MCCC2: variants seen among roughly 807,000 people sequenced by gnomAD.
MCCC2 encodes the protein methylcrotonoyl-CoA carboxylase beta chain, mitochondrial.
MCCC2 carries 52 observed loss-of-function variants against 77.2 expected under a neutral mutation model. The ratio of observed to expected loss-of-function variants is 0.67; its 90% CI spans 0.54 to 0.85. MCCC2 has a LOEUF of 0.85. Ranked by LOEUF, MCCC2 falls within the 40% of genes least tolerant of loss-of-function variation. MCCC2 has a pLI of 0.00. For missense variants in MCCC2, 682 were observed against 703.2 expected, an observed-to-expected ratio of 0.97 and a Z score of 0.34; for synonymous variants, 253 against 248.4, an observed-to-expected ratio of 1.02 and a Z score of -0.18.
chr5:71,632,115 T>C lies in MCCC2; in HGVS notation c.739-6T>C. The stretch of plus-strand genomic sequence containing the variant: ...ATTTCACTGATGATTTTTATCCTTG[T>C]TGTAGGTTAAAGCGGCAACTGGGGA... On this transcript the variant is annotated splice_region_variant and splice_polypyrimidine_tract_variant and intron_variant, in intron 7 of 16. Coordinates refer to ENST00000340941, the MANE Select transcript of MCCC2 (RefSeq NM_022132.5). 6.2e-7 allele frequency: 1 copy of C among 1,613,906 alleles called. No individual in the cohort carries two copies. Among genetic ancestry groups the C allele is most frequent in the Non-Finnish European group, 8.5e-7 (1 of 1,179,762 alleles).
chr5:71,602,413 G>A, intron 4 of MCCC2, 93 bp from the exon 5 acceptor site: 1 of 1,516,264 alleles, frequency 6.6e-7, no homozygotes, highest in Non-Finnish European at 9.2e-7. Flanking sequence ...CGTACTAGAA[G>A]TTGAAGGTTG....
At chr5:71,616,635 CT>C (rs2112380776) in intron 6 of MCCC2, among the ~76,000 whole-genome samples, 1 of 152,278 alleles carries the variant, frequency 6.6e-6, no homozygotes, top group Admixed American at 6.5e-5. Flanking sequence ...GTTCCCTCAC[CT>C]GAGTTCCCAT....
chr5:71,611,981 G>C (rs1461192191), intron 6 of MCCC2, among the ~76,000 whole-genome samples: 1 of 151,842 alleles, frequency 6.6e-6, no homozygotes, highest in African/African-American at 2.4e-5. Flanking sequence ...GTAGAGACAG[G>C]GTTTCACCAC....
chr5:71,593,091 T>TA (rs1745046119), intron 2 of MCCC2, 99 bp downstream of exon 2: 11 of 458,602 alleles, frequency 2.4e-5, no homozygotes, highest in African/African-American at 1.9e-4. Context: ...CTTTTGATAT[T>TA]TTTTTTTTTT....
In MCCC2 at chr5:71,656,882, G is replaced by A. The variant is rs368063815; in HGVS notation, c.*22G>A. 1.3e-6 allele frequency: 2 copies of A among 1,569,726 alleles called. No individual in the cohort carries two copies. Among genetic ancestry groups the A allele is most frequent in the African/African-American group, 2.7e-5 (2 of 74,036 alleles). ...GTAACTGGAATAAAGGATGTTTTCT[G>A]TTGGACATGTACTGAAAATTAACAC... On this transcript the variant is annotated 3_prime_UTR_variant, in exon 17 of 17. Transcript: ENST00000340941.
At chr5:71,642,138 T>A (rs1370766622) in intron 11 of MCCC2, among the ~76,000 whole-genome samples, 2 of 151,790 alleles carry the variant, frequency 1.3e-5, no homozygotes, top group African/African-American at 4.8e-5. Context: ...TCCCCTAGAG[T>A]ACACAACCTG....
At chr5:71,634,909 C>G (rs762836749) in intron 8 of MCCC2, 34 bp from the exon 9 acceptor site, 3 of 1,582,856 alleles carry the variant, frequency 1.9e-6, no homozygotes, top group Non-Finnish European at 8.7e-7. Flanking sequence ...TTCCTTTTCC[C>G]TGTTCTGACA....
At chr5:71,611,217 A>G (rs1231881027) in intron 6 of MCCC2, among the ~76,000 whole-genome samples, 1 of 152,154 alleles carries the variant, frequency 6.6e-6, no homozygotes, top group Non-Finnish European at 1.5e-5. Flanking sequence ...CCTGGGCAAC[A>G]TAGGGAGACC....
chr5:71,610,342 C>T (rs1161670168), intron 6 of MCCC2, among the ~76,000 whole-genome samples: 15 of 152,310 alleles, frequency 9.8e-5, no homozygotes, highest in South Asian at 6.2e-4. Context: ...CAGGTGCGTC[C>T]GTCACCCCTT....
chr5:71,610,456 C>T (rs889528202), intron 6 of MCCC2, among the ~76,000 whole-genome samples: 11 of 152,178 alleles, frequency 7.2e-5, no homozygotes, highest in East Asian at 1.9e-4. Flanking sequence ...CACTGACCTG[C>T]GCCCACTGTC....
At position 71,656,679 on chromosome 5, in the gene MCCC2, A is replaced by G. The variant is rs7443786; in HGVS notation, c.1575-64A>G. 999,567 of 1,251,834 alleles carry G rather than the reference A, an allele frequency of 0.8. 405,781 individuals are homozygous for G. The highest frequency in any genetic ancestry group is 0.9 in the East Asian group (38,558 of 43,004). 77.5% of individuals were successfully genotyped at this position (1,251,834 alleles called of 1,614,324 possible). A position where few individuals can be genotyped will look rare whatever the true frequency, so the allele number is the denominator to read the frequency against. On this transcript the variant is annotated intron_variant, in intron 16 of 16. Transcript: ENST00000340941. ...GAAAACTTCCTTGGCATTTCTGCAC[A>G]TGGAGAGTGTATAAATGGTAGTTTG...
At chr5:71,644,710 ATAACAGGG>A (rs1399952020) in intron 12 of MCCC2, among the ~76,000 whole-genome samples, 2 of 152,114 alleles carry the variant, frequency 1.3e-5, no homozygotes, top group African/African-American at 4.8e-5. Flanking sequence ...TTCTCTTGAA[ATAACAGGG>A]TAAAAGTTCT....
At chr5:71,642,710 C>G (rs1747160664) in intron 11 of MCCC2, among the ~76,000 whole-genome samples, 1 of 152,190 alleles carries the variant, frequency 6.6e-6, no homozygotes, top group African/African-American at 2.4e-5. Context: ...GAAGTTTACC[C>G]CTTTCTGAAT....
intron 6 of MCCC2, among the ~76,000 whole-genome samples, chr5:71,617,850 C>G (rs747525618): frequency 2.0e-5 from 3 of 152,144 alleles, no homozygotes; most frequent in Non-Finnish European, 4.4e-5. Context: ...GTATCGTTTT[C>G]TGTATCTTTG....
intron 11 of MCCC2, among the ~76,000 whole-genome samples, chr5:71,641,922 TAC>T (rs1747132039): frequency 6.6e-6 from 1 of 152,240 alleles, no homozygotes. Flanking sequence ...TATGTTTTTG[TAC>T]TTAGGTGTTT....
Position 71,598,958 on chromosome 5 carries a change from C to T in MCCC2, c.282-701C>T, listed in dbSNP as rs187520226. Among the ~76,000 whole-genome samples, 344 of 152,098 alleles carry T rather than the reference C, an allele frequency of 2.3e-3. 2 individuals carry two copies. The highest frequency in any genetic ancestry group is 7.9e-3 in the African/African-American group (329 of 41,530). On this transcript the variant is annotated intron_variant, in intron 3 of 16. Coordinates refer to ENST00000340941, the MANE Select transcript of MCCC2 (RefSeq NM_022132.5). Reference sequence around the variant, plus strand: ...TTTTTTTGTAAAGATGGGGTTTCCCCGTGTTGCTCAGGCTGGCCTCAAACT... The same window carrying T: ...TTTTTTTGTAAAGATGGGGTTTCCCTGTGTTGCTCAGGCTGGCCTCAAACT...
chr5:71,589,320 A>G (rs920863956), intron 1 of MCCC2, among the ~76,000 whole-genome samples: 2 of 152,258 alleles, frequency 1.3e-5, no homozygotes, highest in African/African-American at 4.8e-5. Context: ...TCAGTAACTC[A>G]CAACAGTAAA....
chr5:71,629,883 T>C (rs1214550367), intron 7 of MCCC2, among the ~76,000 whole-genome samples: 2 of 152,174 alleles, frequency 1.3e-5, no homozygotes, highest in African/African-American at 2.4e-5. Context: ...GCCATTCTTG[T>C]TTATTTTTTG....
At chr5:71,647,216 A>G (rs781648128) in intron 13 of MCCC2, among the ~76,000 whole-genome samples, 1 of 152,190 alleles carries the variant, frequency 6.6e-6, no homozygotes, top group Non-Finnish European at 1.5e-5. Context: ...AGAGGCTCTT[A>G]GTACTTGTTG....
Sources: allele counts gnomAD v4.1 joint callset (sites outside exome capture counted in the v4.1 genomes callset), GRCh38; gene constraint gnomAD v4.1.1; transcripts MANE v1.5; gene names NCBI Gene and HGNC (gene_info 2026-07-23, HGNC 2026-07-21).